PJA1: variants seen among roughly 807,000 people sequenced by gnomAD.
PJA1 encodes the protein E3 ubiquitin-protein ligase Praja-1.
A neutral mutation model predicts 14.1 loss-of-function variants in PJA1; 5 were observed. That is an observed-to-expected ratio of 0.35 (90% CI 0.18 to 0.74). The LOEUF (loss-of-function observed/expected upper bound fraction) is 0.74, where lower values mean the gene tolerates loss of function less well. Among genes scored for constraint, PJA1 ranks in the 30% least tolerant of loss-of-function variants. PJA1 has a pLI of 0.56. For missense variants in PJA1, 394 were observed against 482.6 expected, an observed-to-expected ratio of 0.82 and a Z score of 1.72; for synonymous variants, 174 against 190.9, an observed-to-expected ratio of 0.91 and a Z score of 0.73.
At position 69,161,403 on chromosome X, in the gene PJA1, C is replaced by T. The variant is rs145187280; in HGVS notation, c.1671G>A (p.Pro557=). ...YVKGEVATEL[P]CHHYFHKPCV... is the part of the protein sequence containing the mutation. ...ACGGCTTGTGGAAATAGTGGTGGCA[C>T]GGCAGCTCAGTTGCCACCTCCCCCT... Residue 557 remains proline, a synonymous_variant, in exon 2 of 2, where the codon CCG becomes CCA. Coordinates refer to ENST00000374571, the MANE Select transcript of PJA1 (RefSeq NM_001032396.4). 2.9e-5 allele frequency: 35 copies of T among 1,209,017 alleles called. No individual in the cohort carries two copies. In the South Asian group the frequency reaches 3.7e-4, roughly 13 times the overall value.
rs922558392 is a variant in PJA1, at chrX:69,163,349, C to G, written c.-67-209G>C. Reference sequence around the variant, plus strand: ...GTAAAATCAGTTTAGAATAAAGGAGCAGGGAGATTTATTTTCACTTCAGCA... The same window carrying G: ...GTAAAATCAGTTTAGAATAAAGGAGGAGGGAGATTTATTTTCACTTCAGCA... On this transcript the variant is annotated intron_variant, in intron 1 of 1. Coordinates refer to ENST00000374571, the MANE Select transcript of PJA1 (RefSeq NM_001032396.4). 18 of 837,006 alleles carry G rather than the reference C, an allele frequency of 2.2e-5. No individual in the cohort carries two copies. The South Asian group carries it at 5.0e-4, about 23-fold the overall frequency. The allele number at this position is 837,006 out of a possible 1,213,427, so 69.0% of individuals were successfully genotyped here.
In PJA1 at chrX:69,161,505, G is replaced by T; in HGVS notation, c.1569C>A (p.Pro523=). 1 of 1,211,749 alleles carries T rather than the reference G, an allele frequency of 8.3e-7. No homozygotes were observed. Among genetic ancestry groups the T allele is most frequent in the Admixed American group, 2.2e-5 (1 of 46,063 alleles). Residue 523 remains proline, a synonymous_variant, in exon 2 of 2, where the codon CCC becomes CCA. Transcript: ENST00000374571. ...CATGATCTTCAGTGACCAGGATCTC[G>T]GGAAGAGCGTCAATGCTCTCCTTGC... The part of the protein sequence containing the change: ...PASKESIDAL[P]EILVTEDHGA...
At chrX:69,163,202 GA>G in intron 1 of PJA1, 62 bp from the exon 2 acceptor site, 1 of 1,210,470 alleles carries the variant, frequency 8.3e-7, no homozygotes, top group South Asian at 1.8e-5. Context: ...CCTCCTGTTG[GA>G]TTGGGCCATA....
chrX:69,162,301 G>A lies in PJA1; in HGVS notation c.773C>T (p.Ser258Leu), dbSNP rs1458227406. 8.3e-7 allele frequency: 1 copy of A among 1,210,869 alleles called. No individual in the cohort carries two copies. The highest frequency in any genetic ancestry group is 1.8e-5 in the South Asian group (1 of 56,822). Reference protein sequence around the residue: ...GLARRGRGESSSGYPEPKYPE... With the variant: ...GLARRGRGESLSGYPEPKYPE... ...GTACTTTGGCTCGGGATAGCCACTTGAACTCTCGCCTCTCCCTCTTCTTGC... is the reference window on the plus strand; with the variant it reads ...GTACTTTGGCTCGGGATAGCCACTTAAACTCTCGCCTCTCCCTCTTCTTGC... Residue 258 changes from serine (S) to leucine (L), a missense_variant, in exon 2 of 2, where the codon TCA becomes TTA. Around this residue, in one of 2 missense-constraint regions of PJA1, gnomAD observed 378 missense variants for 439.3 expected, o/e 0.86. Coordinates refer to ENST00000374571, the MANE Select transcript of PJA1 (RefSeq NM_001032396.4).
intron 1 of PJA1, among the ~76,000 whole-genome samples, chrX:69,163,752 T>A (rs889482671): frequency 9.0e-6 from 1 of 111,114 alleles, no homozygotes; most frequent in African/African-American, 3.3e-5. Flanking sequence ...TGTCTGTCTA[T>A]CAAGAGGAGA....
In PJA1 at chrX:69,163,105, G is replaced by A; in HGVS notation, c.-32C>T. ...TTCGGAGTTCGTCTTTCTCTGGCTG[G>A]CAATCCTTTCCCGCTGGCTCGTGGG... is the stretch of plus-strand genomic sequence containing the variant. On this transcript the variant is annotated 5_prime_UTR_variant, in exon 2 of 2. Transcript: ENST00000374571. The A allele has an allele frequency of 1.7e-6, 2 of 1,211,295 alleles. No homozygotes were observed. Among genetic ancestry groups the A allele is most frequent in the Non-Finnish European group, 2.2e-6 (2 of 895,450 alleles).
At position 69,162,818 on chromosome X, in the gene PJA1, C is replaced by G. The variant is rs1482973882; in HGVS notation, c.256G>C (p.Gly86Arg). ...TCATCTTTAAACTTGCCAGTTTTCC[C>G]TCTCACTGGCGGTCGCTCAACAGGC... The part of the protein sequence containing the change: ...AGPVERPPVR[G>R]KTGKFKDDKL... Residue 86 changes from glycine to arginine, a missense_variant, in exon 2 of 2, where the codon GGG (glycine) becomes CGG (arginine). Gly to Arg is a moderately radical substitution (Grantham distance 125). Coordinates refer to ENST00000374571, the MANE Select transcript of PJA1 (RefSeq NM_001032396.4). 8.3e-7 allele frequency: 1 copy of G among 1,211,435 alleles called. No individual in the cohort carries two copies.
Position 69,162,148 on chromosome X carries a change from T to C in PJA1, c.926A>G (p.Asp309Gly), listed in dbSNP as rs757808023. Residue 309 changes from aspartate to glycine, a missense_variant, in exon 2 of 2, where the codon GAC (aspartate) becomes GGC (glycine). Physicochemically the swap from Asp to Gly is moderately conservative, Grantham distance 94. This residue lies in a region of PJA1 where 378 missense variants were observed against 439.3 expected (regional missense o/e 0.86). Transcript: ENST00000374571. Reference sequence around the variant, plus strand: ...AATCCACTCTTTGTCACTGTCAGAGTCTTCGTCGCAGTATTTGTAGTAATC... The same window carrying C: ...AATCCACTCTTTGTCACTGTCAGAGCCTTCGTCGCAGTATTTGTAGTAATC... The part of the protein sequence containing the change: ...SDDYYKYCDE[D>G]SDSDKEWIAA... The C allele has an allele frequency of 5.8e-6, 7 of 1,211,202 alleles. No individual in the cohort carries two copies. Among genetic ancestry groups the C allele is most frequent in the Non-Finnish European group, 7.8e-6 (7 of 895,389 alleles).
rs771519736 is a variant in PJA1 at position 69,162,939 on chromosome X, C to T, written c.135G>A (p.Pro45=). Residue 45 remains proline (P), a synonymous_variant, in exon 2 of 2, where the codon CCG becomes CCA. Transcript: ENST00000374571. ...NIDNEDYSRY[P]PREYRASGSR... is the part of the protein sequence containing the mutation. ...TACCCGAAGCTCTGTACTCTCTTGGCGGATACCTGGAATAGTCCTCATTAT... is the reference window on the plus strand; with the variant it reads ...TACCCGAAGCTCTGTACTCTCTTGGTGGATACCTGGAATAGTCCTCATTAT... The T allele has an allele frequency of 8.3e-6, 10 of 1,211,279 alleles. No individual in the cohort carries two copies. In the East Asian group the frequency reaches 1.8e-4, roughly 21 times the overall value.
rs759369667 is a variant in PJA1, at chrX:69,161,570, A to T, written c.1504T>A (p.Ser502Thr). The T allele has an allele frequency of 1.7e-6, 2 of 1,209,777 alleles. No homozygotes were observed. Among genetic ancestry groups the T allele is most frequent in the South Asian group, 1.8e-5 (1 of 56,857 alleles). The change falls in exon 2 of 2, where the codon TCT becomes ACT. Residue 502 changes from serine to threonine, a missense_variant. Around this residue, in one of 2 missense-constraint regions of PJA1, gnomAD observed 378 missense variants for 439.3 expected, o/e 0.86. Coordinates refer to ENST00000374571, the MANE Select transcript of PJA1 (RefSeq NM_001032396.4). ...GCCACCTCTACATCCACTGCGAGAG[A>T]CTCCAAGTGCGCAAGGGCAGTTTCC... ...AMETALAHLE[S>T]LAVDVEVANP... is the part of the protein sequence containing the mutation.
At chrX:69,163,761 G>A (rs1925157558) in intron 1 of PJA1, among the ~76,000 whole-genome samples, 1 of 111,513 alleles carries the variant, frequency 9.0e-6, no homozygotes, top group African/African-American at 3.3e-5. Flanking sequence ...ATCAAGAGGA[G>A]AGGGACAGGT....
chrX:69,161,312 G>A lies in PJA1; in HGVS notation c.1762C>T (p.Leu588Phe). The change falls in exon 2 of 2, where the codon CTC (leucine) becomes TTC (phenylalanine). Residue 588 changes from leucine (L) to phenylalanine (F), a missense_variant. Physicochemically the swap from Leu to Phe is conservative, Grantham distance 22. Coordinates refer to ENST00000374571, the MANE Select transcript of PJA1 (RefSeq NM_001032396.4). Reference sequence around the variant, plus strand: ...GGAGTAAACGGCCTTGGTCTTTAGAGTGGGGGAGGGAACATGCAGCGGCAC... The same window carrying A: ...GGAGTAAACGGCCTTGGTCTTTAGAATGGGGGAGGGAACATGCAGCGGCAC... Reference protein sequence around the residue: ...PVCRCMFPPPL With the variant: ...PVCRCMFPPPF 8.6e-7 allele frequency: 1 copy of A among 1,169,132 alleles called. No individual in the cohort carries two copies. The highest frequency in any genetic ancestry group is 2.4e-4 in the Middle Eastern group (1 of 4,156).
chrX:69,163,843 TG>T (rs1925161434), intron 1 of PJA1, among the ~76,000 whole-genome samples: 1 of 110,361 alleles, frequency 9.1e-6, no homozygotes, highest in Admixed American at 9.6e-5. Context: ...AGTGTTAGAA[TG>T]AGACCCATTC....
At position 69,161,184 on chromosome X, in the gene PJA1, C is replaced by A; in HGVS notation, c.*123G>T. On this transcript the variant is annotated 3_prime_UTR_variant, in exon 2 of 2. Transcript: ENST00000374571. ...CACATTGGAAATAATCACGAGGAATCAATAGGTTTAGGCTAACTGACTGAT... is the reference window on the plus strand; with the variant it reads ...CACATTGGAAATAATCACGAGGAATAAATAGGTTTAGGCTAACTGACTGAT... 3 of 951,489 alleles carry A rather than the reference C, an allele frequency of 3.2e-6. No homozygotes were observed. The highest frequency in any genetic ancestry group is 2.8e-6 in the Non-Finnish European group (2 of 726,113). 78.4% of individuals were successfully genotyped at this position (951,489 alleles called of 1,213,427 possible). A position where few individuals can be genotyped will look rare whatever the true frequency, so the allele number is the denominator to read the frequency against.
Position 69,161,063 on chromosome X carries a change from A to T in PJA1, c.*244T>A. On this transcript the variant is annotated 3_prime_UTR_variant, in exon 2 of 2. Transcript: ENST00000374571. ...TTCAGGTTAGAAAACGTATCTTCTTACTGCAATCTCAAGTAGCATTTAGAA... is the reference window on the plus strand; with the variant it reads ...TTCAGGTTAGAAAACGTATCTTCTTTCTGCAATCTCAAGTAGCATTTAGAA... 1 of 366,342 alleles carries T rather than the reference A, an allele frequency of 2.7e-6. No homozygotes were observed. Among genetic ancestry groups the T allele is most frequent in the Non-Finnish European group, 4.3e-6 (1 of 229,924 alleles). The allele number at this position is 366,342 out of a possible 1,213,427, so 30.2% of individuals were successfully genotyped here.
Position 69,162,840 on chromosome X carries a change from A to G in PJA1, c.234T>C (p.Pro78=). ...TCCCTCTCACTGGCGGTCGCTCAAC[A>G]GGCCCAGCCCCCTCCTCCTCACTAT... is the stretch of plus-strand genomic sequence containing the variant. ...ADDSEEEGAG[P]VERPPVRGKT... The change falls in exon 2 of 2, where the codon CCT becomes CCC. Residue 78 remains proline (P), a synonymous_variant. Coordinates refer to ENST00000374571, the MANE Select transcript of PJA1 (RefSeq NM_001032396.4). 8.3e-7 allele frequency: 1 copy of G among 1,211,470 alleles called. No homozygotes were observed. The highest frequency in any genetic ancestry group is 1.7e-5 in the African/African-American group (1 of 57,696).
chrX:69,163,309 T>G, intron 1 of PJA1, 169 bp from the exon 2 acceptor site: 1 of 1,057,295 alleles, frequency 9.5e-7, no homozygotes, highest in Non-Finnish European at 1.3e-6. Context: ...CTGCACACGT[T>G]TTTGAGATGG....
rs1025378237 is a variant in PJA1 at position 69,161,893 on chromosome X, A to G, written c.1181T>C (p.Leu394Pro). The G allele has an allele frequency of 2.9e-5, 35 of 1,208,668 alleles. No individual in the cohort carries two copies. The highest frequency in any genetic ancestry group is 3.9e-5 in the Non-Finnish European group (35 of 894,775). ...TTCCAGGGATGCCTGCTCTTCCTGA[A>G]GAGATGGTTCTCGAACTTCTTCAAG... ...NYLEEVREPSLQEEQASLEEG... is the reference protein window; with the variant it reads ...NYLEEVREPSPQEEQASLEEG... Residue 394 changes from leucine to proline, a missense_variant, in exon 2 of 2, where the codon CTT becomes CCT. By Grantham distance (98) the Leu-to-Pro change is moderately conservative (BLOSUM62 -3). This residue lies in a region of PJA1 where 378 missense variants were observed against 439.3 expected (regional missense o/e 0.86). Coordinates refer to ENST00000374571, the MANE Select transcript of PJA1 (RefSeq NM_001032396.4).
In PJA1 at chrX:69,163,150, G is replaced by A; in HGVS notation, c.-67-10C>T. 1 of 1,210,862 alleles carries A rather than the reference G, an allele frequency of 8.3e-7. No homozygotes were observed. The highest frequency in any genetic ancestry group is 1.8e-5 in the South Asian group (1 of 56,872). On this transcript the variant is annotated splice_polypyrimidine_tract_variant and intron_variant, in intron 1 of 1. Transcript: ENST00000374571. The stretch of plus-strand genomic sequence containing the variant: ...CGTGGGTGGCCTGAAACTGACATAA[G>A]CATGCCTTCTTCCATACCTCCTACC...
Sources: allele counts gnomAD v4.1 joint callset (sites outside exome capture counted in the v4.1 genomes callset), GRCh38; gene constraint gnomAD v4.1.1; regional missense constraint gnomAD v4.1.1; transcripts MANE v1.5; gene names NCBI Gene and HGNC (gene_info 2026-07-23, HGNC 2026-07-21).